ETV1: variants seen among roughly 807,000 people sequenced by gnomAD.
The protein encoded by ETV1 is ETS variant transcription factor 1.
A neutral mutation model predicts 62.3 loss-of-function variants in ETV1; 27 were observed. That is an observed-to-expected ratio of 0.43 (90% CI 0.32 to 0.60). The LOEUF (loss-of-function observed/expected upper bound fraction) is 0.60, where lower values mean the gene tolerates loss of function less well. Ranked by LOEUF, ETV1 falls within the 20% of genes least tolerant of loss-of-function variation. The probability of loss-of-function intolerance (pLI) is 0.06; values close to 1 mark genes in which losing one functional copy is unlikely to be tolerated. For synonymous variants in ETV1, 222 were observed against 199.6 expected, an observed-to-expected ratio of 1.11 and a Z score of -0.94; for missense variants, 605 against 605.8, an observed-to-expected ratio of 1.00 and a Z score of 0.01.
intron 10 of ETV1, 137 bp downstream of exon 10, chr7:13,911,102 T>C: frequency 1.7e-6 from 1 of 597,940 alleles, no homozygotes; most frequent in Non-Finnish European, 3.0e-6. Context: ...ACTTTGGAGA[T>C]AGTCTTAAAA....
At position 13,935,722 on chromosome 7, in the gene ETV1, G is replaced by A. The variant is rs1786728765; in HGVS notation, c.540C>T (p.Tyr180=). Residue 180 remains tyrosine, a synonymous_variant, in exon 8 of 14, where the codon TAC becomes TAT. Coordinates refer to ENST00000430479, the MANE Select transcript of ETV1 (RefSeq NM_004956.5). ...CTGCAGGTTACCTGTGGTCCATGGG[G>A]TAGCTGCTATCTGGTATGGACTGCG... is the stretch of plus-strand genomic sequence containing the variant. The part of the protein sequence containing the change: ...PPSQSIPDSS[Y]PMDHRFRRQL... 6 of 1,613,710 alleles carry A rather than the reference G, an allele frequency of 3.7e-6. No homozygotes were observed. Among genetic ancestry groups the A allele is most frequent in the Non-Finnish European group, 5.1e-6 (6 of 1,179,816 alleles).
chr7:13,906,413 A>G lies in ETV1; in HGVS notation c.1110+17T>C. The G allele has an allele frequency of 2.0e-6, 3 of 1,507,240 alleles. No individual in the cohort carries two copies. The highest frequency in any genetic ancestry group is 2.7e-6 in the Non-Finnish European group (3 of 1,126,374). 93.4% of individuals were successfully genotyped at this position (1,507,240 alleles called of 1,614,324 possible). On this transcript the variant is annotated intron_variant, in intron 12 of 13. Transcript: ENST00000430479. ...ATAACATGTCTGAGTGTCCTAATTA[A>G]AATCTATTAAACTAACCTCTTCAGG...
chr7:13,935,553 A>G (rs1469179196), intron 8 of ETV1, among the ~76,000 whole-genome samples, 155 bp downstream of exon 8: 1 of 152,262 alleles, frequency 6.6e-6, no homozygotes, highest in Non-Finnish European at 1.5e-5. Flanking sequence ...AATTATAAGT[A>G]TAGATAGAGT....
intron 6 of ETV1, among the ~76,000 whole-genome samples, chr7:13,955,729 T>C (rs1002815628): frequency 2.0e-5 from 3 of 152,220 alleles, no homozygotes; most frequent in African/African-American, 7.2e-5. Context: ...CAGATCACAT[T>C]TCCATACCTA....
chr7:13,913,169 T>C (rs577601807), intron 9 of ETV1, among the ~76,000 whole-genome samples: 2 of 152,358 alleles, frequency 1.3e-5, no homozygotes, highest in South Asian at 2.1e-4. Context: ...GCATTGCATA[T>C]GCATTCAGTT....
chr7:13,923,027 T>G (rs1408856129), intron 9 of ETV1, among the ~76,000 whole-genome samples: 1 of 152,188 alleles, frequency 6.6e-6, no homozygotes, highest in Non-Finnish European at 1.5e-5. Context: ...ATAAATGCAA[T>G]AGTAATAGTT....
upstream of ETV1, chr7:13,989,783 G>A: frequency 2.5e-6 from 1 of 394,968 alleles, no homozygotes; most frequent in Non-Finnish European, 4.5e-6. Context: ...CAGATTTCGG[G>A]CTGTCAATCA....
intron 4 of ETV1, 44 bp downstream of exon 4, chr7:13,988,042 G>T: frequency 9.5e-7 from 1 of 1,052,212 alleles, no homozygotes. Context: ...AGGGTGGAGA[G>T]TGTAGGTAAA....
At chr7:13,951,260 C>T (rs536706006) in intron 6 of ETV1, among the ~76,000 whole-genome samples, 2 of 152,276 alleles carry the variant, frequency 1.3e-5, no homozygotes, top group African/African-American at 4.8e-5. Context: ...ACTTATGTCA[C>T]ACTCATGAGT....
rs781237791 is a variant in ETV1, at chr7:13,906,569, C to T, written c.971G>A (p.Arg324Gln). ...GDIKQEPGMY[R>Q]EGPTYQRRGS... ...TCGCCGTTGGTATGTGGGTCCTTCC[C>T]GATACATTCCTGGCTCTTGTTTGAT... The change falls in exon 12 of 14, where the codon CGG becomes CAG. Residue 324 changes from arginine (R) to glutamine (Q), a missense_variant. Coordinates refer to ENST00000430479, the MANE Select transcript of ETV1 (RefSeq NM_004956.5). 1.5e-5 allele frequency: 24 copies of T among 1,610,264 alleles called. No homozygotes were observed. Among genetic ancestry groups the T allele is most frequent in the Admixed American group, 3.4e-5 (2 of 59,354 alleles).
intron 13 of ETV1, among the ~76,000 whole-genome samples, chr7:13,899,858 A>C (rs1471625318): frequency 6.6e-6 from 1 of 152,158 alleles, no homozygotes; most frequent in Non-Finnish European, 1.5e-5. Flanking sequence ...GGCTGGGTGC[A>C]TTGGCTCATG....
rs547021395 is a variant in ETV1, at chr7:13,892,370, T to C, written c.*3496A>G. 1.3e-5 allele frequency: 3 copies of C among 232,582 alleles called. No homozygotes were observed. The highest frequency in any genetic ancestry group is 1.8e-4 in the South Asian group (1 of 5,522). 14.4% of individuals were successfully genotyped at this position (232,582 alleles called of 1,614,324 possible). A position where few individuals can be genotyped will look rare whatever the true frequency, so the allele number is the denominator to read the frequency against. ...TTAGTGGAATAGTTGAAATTTAATA[T>C]AGAAAGTTTTCAAAATTATTTATGC... On this transcript the variant is annotated 3_prime_UTR_variant, in exon 14 of 14. Transcript: ENST00000430479.
At chr7:13,904,037 C>G (rs997406661) in intron 12 of ETV1, among the ~76,000 whole-genome samples, 6 of 152,086 alleles carry the variant, frequency 3.9e-5, no homozygotes, top group African/African-American at 9.7e-5. Flanking sequence ...ACGGACTGTG[C>G]TGACACAGGC....
chr7:13,944,848 T>C (rs1583738244), intron 6 of ETV1, among the ~76,000 whole-genome samples: 1 of 152,126 alleles, frequency 6.6e-6, no homozygotes, highest in South Asian at 2.1e-4. Context: ...ACTAGTATCC[T>C]TATAAAAGGG....
chr7:13,922,806 T>A (rs1562620159), intron 9 of ETV1, among the ~76,000 whole-genome samples: 2 of 152,232 alleles, frequency 1.3e-5, no homozygotes, highest in African/African-American at 4.8e-5. Flanking sequence ...AATCACTGCA[T>A]ACTTTCTGTT....
intron 9 of ETV1, among the ~76,000 whole-genome samples, chr7:13,931,199 G>C (rs1387042105): frequency 6.6e-6 from 1 of 151,950 alleles, no homozygotes; most frequent in East Asian, 1.9e-4. Flanking sequence ...AGAAAAAAAA[G>C]TACAGAATTA....
At chr7:13,988,791 G>C (rs776583336) in intron 3 of ETV1, 14 of 1,606,228 alleles carry the variant, frequency 8.7e-6, no homozygotes, top group East Asian at 2.2e-5. Context: ...TCAGAAAAAG[G>C]GGTCTTAAAA....
At chr7:13,989,936 C>A (rs916245389), upstream of ETV1, 1 of 227,776 alleles carries the variant, frequency 4.4e-6, no homozygotes, top group South Asian at 1.8e-4. Flanking sequence ...TGTTAAGGCG[C>A]CTGGGGATAC....
intron 5 of ETV1, among the ~76,000 whole-genome samples, chr7:13,981,542 T>C (rs1781993456): frequency 7.0e-6 from 1 of 142,702 alleles, no homozygotes. Flanking sequence ...CATATATATA[T>C]ATACACACAC....
Sources: allele counts gnomAD v4.1 joint callset (sites outside exome capture counted in the v4.1 genomes callset), GRCh38; gene constraint gnomAD v4.1.1; transcripts MANE v1.5; gene names NCBI Gene and HGNC (gene_info 2026-07-23, HGNC 2026-07-21).